The following KNL1 variants were observed in gnomAD, a reference collection of about 807,000 sequenced individuals.
The protein encoded by KNL1 is kinetochore scaffold 1.
Under a neutral mutation model 201.3 loss-of-function variants are expected in KNL1, and 66 were observed. That is an observed-to-expected ratio of 0.33 (90% CI 0.27 to 0.40). The LOEUF is 0.40. Ranked by LOEUF, KNL1 falls within the 10% of genes least tolerant of loss-of-function variation. The pLI, the probability that KNL1 is intolerant of heterozygous loss-of-function variation, is 1.00. For missense variants in KNL1, 2,815 were observed against 2,690.5 expected (o/e 1.05, Z -1.02); for synonymous variants, 895 against 899.2 (o/e 1.00, Z 0.08).
At chr15:40,619,792 A>G (rs1892456658) in intron 9 of KNL1, among the ~76,000 whole-genome samples, 1 of 152,202 alleles carries the variant, frequency 6.6e-6, no homozygotes, top group Admixed American at 6.5e-5. Flanking sequence ...CAATATAGTA[A>G]TTAGAATTTT....
chr15:40,645,808 G>T, intron 16 of KNL1, 36 bp downstream of exon 16: 5 of 1,105,390 alleles, frequency 4.5e-6, no homozygotes, highest in Non-Finnish European at 6.5e-6. Context: ...GAAAGAGAGA[G>T]ATATTAAAAT....
At chr15:40,637,796 CAT>C (rs1893101816) in intron 13 of KNL1, among the ~76,000 whole-genome samples, 1 of 151,756 alleles carries the variant, frequency 6.6e-6, no homozygotes, top group African/African-American at 2.4e-5. Flanking sequence ...ATATATGAAA[CAT>C]AAATTTATTT....
intron 13 of KNL1, 43 bp from the exon 14 acceptor site, chr15:40,640,869 T>C (rs1893206268): frequency 8.8e-7 from 1 of 1,131,236 alleles, no homozygotes; most frequent in Admixed American, 1.9e-5. Flanking sequence ...TATGGTTTTG[T>C]CTGCAAGATA....
intron 1 of KNL1, 143 bp from the exon 2 acceptor site, chr15:40,602,772 A>C (rs939175629): frequency 7.8e-6 from 4 of 511,384 alleles, no homozygotes; most frequent in Admixed American, 7.3e-5. Flanking sequence ...GGCATGAGCC[A>C]CTGCGCCCGG....
chr15:40,643,318 C>G (rs923446097), intron 14 of KNL1: 2 of 152,118 alleles, frequency 1.3e-5, no homozygotes, highest in Non-Finnish European at 2.9e-5. Context: ...CACCCGCCAC[C>G]ATGCCTGGCT....
At chr15:40,654,342 G>A (rs1036999076) in intron 21 of KNL1, among the ~76,000 whole-genome samples, 7 of 152,098 alleles carry the variant, frequency 4.6e-5, no homozygotes, top group African/African-American at 1.7e-4. Context: ...TTGCACAGAA[G>A]TTAGGGGTTA....
intron 5 of KNL1, among the ~76,000 whole-genome samples, chr15:40,609,655 T>C (rs896294273): frequency 2.0e-5 from 3 of 152,132 alleles, no homozygotes; most frequent in Non-Finnish European, 4.4e-5. Flanking sequence ...TGGAAGCTCC[T>C]TGAGTCAAGG....
At position 40,620,804 on chromosome 15, in the gene KNL1, A is replaced by C. The variant is rs756668283; in HGVS notation, c.540A>C (p.Thr180=). 12 of 1,611,506 alleles carry C rather than the reference A, an allele frequency of 7.4e-6. No homozygotes were observed. In the African/African-American group the frequency reaches 1.3e-4, roughly 18 times the overall value. Reference sequence around the variant, plus strand: ...AAAAGTCCACCAAGATAGATACCACATCATTTCTAGCTAATTTAAAGCTTC... The same window carrying C: ...AAAAGTCCACCAAGATAGATACCACCTCATTTCTAGCTAATTTAAAGCTTC... ...ISEKSTKIDT[T]SFLANLKLHT... Residue 180 remains threonine, a synonymous_variant, in exon 10 of 26, where the codon ACA becomes ACC. Transcript: ENST00000399668.
At chr15:40,662,001 T>C in intron 25 of KNL1, 73 bp from the exon 26 acceptor site, 1 of 805,300 alleles carries the variant, frequency 1.2e-6, no homozygotes. Context: ...ATTGCGCCAC[T>C]GCACTCCAGC....
At position 40,662,863 on chromosome 15, in the gene KNL1, G is replaced by C. The variant is rs115740873; in HGVS notation, c.*675G>C. 0.011 allele frequency: 2,002 copies of C among 176,080 alleles called. 44 individuals carry two copies. The highest frequency in any genetic ancestry group is 0.044 in the African/African-American group (1,874 of 42,224). The allele number at this position is 176,080 out of a possible 1,614,324, so 10.9% of individuals were successfully genotyped here. ...TGGTCCCAGCTACTTAGGAGCTTAA[G>C]GCAGGAGGATCACTTGAGCCCAGGA... On this transcript the variant is annotated 3_prime_UTR_variant, in exon 26 of 26. Coordinates refer to ENST00000399668, the MANE Select transcript of KNL1 (RefSeq NM_144508.5).
At position 40,621,874 on chromosome 15, in the gene KNL1, A is replaced by T; in HGVS notation, c.1610A>T (p.Asn537Ile). Residue 537 changes from asparagine to isoleucine, a missense_variant, in exon 10 of 26, where the codon AAC becomes ATC. Around this residue, in one of 3 missense-constraint regions of KNL1, gnomAD observed 2,464 missense variants for 2,291.7 expected, o/e 1.08. Transcript: ENST00000399668. ...SEDGKMNVNC[N>I]SVPHVSKERI... ...GATGGGAAAATGAATGTAAATTGTA[A>T]CTCAGTTCCTCATGTATCTAAGGAA... The T allele has an allele frequency of 6.2e-7, 1 of 1,614,086 alleles. No individual in the cohort carries two copies. Among genetic ancestry groups the T allele is most frequent in the Non-Finnish European group, 8.5e-7 (1 of 1,179,958 alleles).
chr15:40,602,880 T>C, intron 1 of KNL1, 35 bp from the exon 2 acceptor site: 1 of 1,186,196 alleles, frequency 8.4e-7, no homozygotes, highest in South Asian at 1.3e-5. Flanking sequence ...TCTTCCTTTT[T>C]CCTCATGTTT....
At chr15:40,637,047 CTTT>C (rs200385339) in intron 13 of KNL1, among the ~76,000 whole-genome samples, 1 of 148,680 alleles carries the variant, frequency 6.7e-6, no homozygotes, top group African/African-American at 2.5e-5. Flanking sequence ...CGTCTTATGC[CTTT>C]TTTTTTTCCC....
At chr15:40,625,894 A>C in intron 10 of KNL1, 1 of 403,650 alleles carries the variant, frequency 2.5e-6, no homozygotes, top group East Asian at 4.6e-5. Context: ...AAAGTAGCCA[A>C]AGTTAAAATT....
chr15:40,610,361 A>G, intron 6 of KNL1, 64 bp downstream of exon 6: 1 of 810,664 alleles, frequency 1.2e-6, no homozygotes, highest in Middle Eastern at 2.3e-4. Flanking sequence ...TAGCTATCTA[A>G]CCAGACAACT....
chr15:40,604,156 T>C (rs1891900167), intron 2 of KNL1, among the ~76,000 whole-genome samples: 2 of 151,506 alleles, frequency 1.3e-5, no homozygotes, highest in Admixed American at 6.6e-5. Flanking sequence ...CATCATCTCA[T>C]CTAGGGTCAA....
rs1567008019 is a variant in KNL1 at position 40,622,303 on chromosome 15, A to G, written c.2039A>G (p.Asp680Gly). The change falls in exon 10 of 26, where the codon GAT (aspartate) becomes GGT (glycine). Residue 680 changes from aspartate to glycine, a missense_variant. Asp to Gly is a moderately conservative substitution (Grantham distance 94). Coordinates refer to ENST00000399668, the MANE Select transcript of KNL1 (RefSeq NM_144508.5). Reference sequence around the variant, plus strand: ...ATAGTCTACTGTGGTGGAGTTCTTGATAAACAAATAACTAATAGAAATACA... The same window carrying G: ...ATAGTCTACTGTGGTGGAGTTCTTGGTAAACAAATAACTAATAGAAATACA... Reference protein sequence around the residue: ...HNIVYCGGVLDKQITNRNTVS... With the variant: ...HNIVYCGGVLGKQITNRNTVS... The G allele has an allele frequency of 3.1e-6, 5 of 1,613,676 alleles. No individual in the cohort carries two copies. The highest frequency in any genetic ancestry group is 4.2e-6 in the Non-Finnish European group (5 of 1,179,758).
At chr15:40,599,479 G>A (rs1187259400) in intron 1 of KNL1, among the ~76,000 whole-genome samples, 1 of 150,246 alleles carries the variant, frequency 6.7e-6, no homozygotes, top group Non-Finnish European at 1.5e-5. Context: ...TGCCTCCCAG[G>A]GTCAAGCGAT....
rs941867449 is a variant in KNL1 at position 40,628,698 on chromosome 15, CTTTTTTTTA to C, written c.5583+24_5583+32del. 5 of 1,474,950 alleles carry C rather than the reference CTTTTTTTTA, an allele frequency of 3.4e-6. No individual in the cohort carries two copies. The highest frequency in any genetic ancestry group is 4.6e-6 in the Non-Finnish European group (5 of 1,076,966). 91.4% of individuals were successfully genotyped at this position (1,474,950 alleles called of 1,614,324 possible). A position where few individuals can be genotyped will look rare whatever the true frequency, so the allele number is the denominator to read the frequency against. On this transcript the variant is annotated intron_variant, in intron 12 of 25. Transcript: ENST00000399668. ...AGGGAGGTATGTTAAAATTCTTTTT[CTTTTTTTTA>C]TTTATAAAGAAAAGAGGTTTAAACG...
Sources: allele counts gnomAD v4.1 joint callset (sites outside exome capture counted in the v4.1 genomes callset), GRCh38; gene constraint gnomAD v4.1.1; regional missense constraint gnomAD v4.1.1; transcripts MANE v1.5; gene names NCBI Gene and HGNC (gene_info 2026-07-23, HGNC 2026-07-21).